The following SLC22A11 variants were observed in gnomAD, a reference collection of about 807,000 sequenced individuals.
The protein encoded by SLC22A11 is solute carrier family 22 member 11.
A neutral mutation model predicts 49.4 loss-of-function variants in SLC22A11; 42 were observed. The observed-to-expected ratio is 0.85, with a 90% CI of 0.66 to 1.10. The LOEUF (loss-of-function observed/expected upper bound fraction) is 1.10. Ranked by LOEUF, SLC22A11 falls within the 50% of genes least tolerant of loss-of-function variation. SLC22A11 has a pLI of 0.00. For synonymous variants in SLC22A11, 304 were observed against 315.8 expected (o/e 0.96, Z 0.40); for missense variants, 685 against 731.6 (o/e 0.94, Z 0.74).
chr11:64,562,924 C>G lies in SLC22A11; in HGVS notation c.821+489C>G, dbSNP rs1355546879. Among the ~76,000 whole-genome samples, 1 of 152,176 alleles carries G rather than the reference C, an allele frequency of 6.6e-6. No homozygotes were observed. Among genetic ancestry groups the G allele is most frequent in the East Asian group, 1.9e-4 (1 of 5,194 alleles). On this transcript the variant is annotated intron_variant, in intron 4 of 9. Transcript: ENST00000301891. This position sits in a 1 kb window ranked among gnomAD's most constrained non-coding sequence, Gnocchi z 4.4. ...CTTCCTCAATACTTGCACCAGCCCC[C>G]ACCCACCAGCTTCACTCCTTCACAT... is the stretch of plus-strand genomic sequence containing the variant.
In SLC22A11 at chr11:64,563,610, TAAAAAAAAAAA is replaced by T. The variant is rs869085115; in HGVS notation, c.822-680_822-670del. Among the ~76,000 whole-genome samples, 159 of 43,860 alleles carry T rather than the reference TAAAAAAAAAAA, an allele frequency of 3.6e-3. 1 individual carries two copies. The highest frequency in any genetic ancestry group is 0.015 in the African/African-American group (141 of 9,360). 28.8% of individuals were successfully genotyped at this position (43,860 alleles called of 152,430 possible). On this transcript the variant is annotated intron_variant, in intron 4 of 9. Coordinates refer to ENST00000301891, the MANE Select transcript of SLC22A11 (RefSeq NM_018484.4). Reference sequence around the variant, plus strand: ...CTGCCTGGGGATATTTTAAATGTGCTAAAAAAAAAAAAAAAAAAAAAAAAAAAAGGCCGGGC... The same window carrying T: ...CTGCCTGGGGATATTTTAAATGTGCTAAAAAAAAAAAAAAAAAGGCCGGGC...
Position 64,569,715 on chromosome 11 carries a change from C to G in SLC22A11, c.1446C>G (p.Ile482Met). Residue 482 changes from isoleucine (I) to methionine (M), a missense_variant, in exon 9 of 10, where the codon ATC (isoleucine) becomes ATG (methionine). Physicochemically the swap from Ile to Met is conservative, Grantham distance 10 (BLOSUM62 1). Coordinates refer to ENST00000301891, the MANE Select transcript of SLC22A11 (RefSeq NM_018484.4). ...GRLGAMMGPLILMSRQALPLL... is the reference protein window; with the variant it reads ...GRLGAMMGPLMLMSRQALPLL... ...TGGGGGCTATGATGGGTCCCCTGAT[C>G]CTGATGAGCCGCCAAGCCCTGCCCC... 1 of 1,614,200 alleles carries G rather than the reference C, an allele frequency of 6.2e-7. No individual in the cohort carries two copies.
intron 1 of SLC22A11, among the ~76,000 whole-genome samples, chr11:64,558,184 C>G (rs554078149): frequency 6.6e-6 from 1 of 152,290 alleles, no homozygotes; most frequent in East Asian, 1.9e-4. Context: ...ATCCTCCAGC[C>G]CCAGCATTCC....
rs375264929 is a variant in SLC22A11 at position 64,562,230 on chromosome 11, G to C, written c.653-37G>C. The C allele has an allele frequency of 1.3e-6, 2 of 1,599,494 alleles. No individual in the cohort carries two copies. Among genetic ancestry groups the C allele is most frequent in the Non-Finnish European group, 1.7e-6 (2 of 1,170,538 alleles). On this transcript the variant is annotated intron_variant, in intron 3 of 9. Coordinates refer to ENST00000301891, the MANE Select transcript of SLC22A11 (RefSeq NM_018484.4). This position sits in a 1 kb window ranked among gnomAD's most constrained non-coding sequence, Gnocchi z 4.4. ...AGGAGAGAATGGGGCTCAGGCCGCC[G>C]CATGAGGCCTCACCTGCACGTGTCT...
chr11:64,568,826 A>G, intron 8 of SLC22A11, 48 bp downstream of exon 8: 1 of 1,534,538 alleles, frequency 6.5e-7, no homozygotes, highest in Non-Finnish European at 9.0e-7. Context: ...GGCCGTCCTG[A>G]GAGGGCGGTG....
In SLC22A11 at chr11:64,555,994, C is replaced by T; in HGVS notation, c.-6C>T. The T allele has an allele frequency of 6.3e-7, 1 of 1,599,514 alleles. No individual in the cohort carries two copies. The highest frequency in any genetic ancestry group is 1.1e-5 in the South Asian group (1 of 90,578). On this transcript the variant is annotated 5_prime_UTR_variant, in exon 1 of 10. Transcript: ENST00000301891. Reference sequence around the variant, plus strand: ...AGCAGTCCGCTCAGCCGAGGCAGCTCTGTTCATGGCGTTCTCGAAGCTCTT... The same window carrying T: ...AGCAGTCCGCTCAGCCGAGGCAGCTTTGTTCATGGCGTTCTCGAAGCTCTT...
In SLC22A11 at chr11:64,562,587, G is replaced by A. The variant is rs772581440; in HGVS notation, c.821+152G>A. On this transcript the variant is annotated intron_variant, in intron 4 of 9. Coordinates refer to ENST00000301891, the MANE Select transcript of SLC22A11 (RefSeq NM_018484.4). The surrounding 1 kb of genome is among the most constrained non-coding windows in gnomAD (Gnocchi z 4.4). ...GCACCCTCGCTAGGGAGGGACATTGGTGATTGGCAGTCCTGGGCTAAGTGT... is the reference window on the plus strand; with the variant it reads ...GCACCCTCGCTAGGGAGGGACATTGATGATTGGCAGTCCTGGGCTAAGTGT... The A allele has an allele frequency of 4.2e-5, 35 of 834,450 alleles. No individual in the cohort carries two copies. Among genetic ancestry groups the A allele is most frequent in the Non-Finnish European group, 5.8e-5 (33 of 565,918 alleles). The allele number at this position is 834,450 out of a possible 1,614,324, so 51.7% of individuals were successfully genotyped here. A position where few individuals can be genotyped will look rare whatever the true frequency, so the allele number is the denominator to read the frequency against.
rs1401823832 is a variant in SLC22A11, at chr11:64,565,519, G to A, written c.1058+182G>A. On this transcript the variant is annotated intron_variant, in intron 6 of 9. Coordinates refer to ENST00000301891, the MANE Select transcript of SLC22A11 (RefSeq NM_018484.4). This position sits in a 1 kb window ranked among gnomAD's most constrained non-coding sequence, Gnocchi z 4.1. The stretch of plus-strand genomic sequence containing the variant: ...CAGGAGTCCTGGCAGGCAGCAGAGA[G>A]GGACTATGCACAGGTGGGATCTGGA... 1.5e-6 allele frequency: 1 copy of A among 668,446 alleles called. No homozygotes were observed. Among genetic ancestry groups the A allele is most frequent in the South Asian group, 1.5e-5 (1 of 66,432 alleles). The allele number at this position is 668,446 out of a possible 1,614,324, so 41.4% of individuals were successfully genotyped here.
In SLC22A11 at chr11:64,562,141, T is replaced by G. The variant is rs749910455; in HGVS notation, c.635T>G (p.Leu212Arg). The G allele has an allele frequency of 6.2e-6, 10 of 1,613,776 alleles. No individual in the cohort carries two copies. The highest frequency in any genetic ancestry group is 8.5e-6 in the Non-Finnish European group (10 of 1,179,984). The change falls in exon 3 of 10, where the codon CTG becomes CGG. Residue 212 changes from leucine to arginine, a missense_variant. Leu to Arg is a moderately radical substitution (Grantham distance 102, BLOSUM62 -2). Transcript: ENST00000301891. The surrounding 1 kb of genome is among the most constrained non-coding windows in gnomAD (Gnocchi z 4.4). ...GCTTTTGGGATGGCCGGCATCTTTC[T>G]GAGTTCACTGACACTGAGTGAGTCC... ...VAAFGMAGIF[L>R]SSLTLMVEWT...
At chr11:64,559,897 TG>T (rs2135420642) in intron 2 of SLC22A11, among the ~76,000 whole-genome samples, 1 of 152,292 alleles carries the variant, frequency 6.6e-6, no homozygotes, top group South Asian at 2.1e-4. Context: ...CTAGGCCTGC[TG>T]GCGGGGAGAA....
intron 2 of SLC22A11, 106 bp downstream of exon 2, chr11:64,559,344 G>A (rs1360136838): frequency 2.1e-5 from 18 of 847,522 alleles, no homozygotes; most frequent in Admixed American, 1.4e-4. Flanking sequence ...CCCTGCTTCC[G>A]TCTCCCTCCT....
chr11:64,570,170 G>A (rs2038685218), intron 9 of SLC22A11, among the ~76,000 whole-genome samples: 1 of 152,214 alleles, frequency 6.6e-6, no homozygotes, highest in Non-Finnish European at 1.5e-5. Context: ...CCACCTGCCT[G>A]GGCAAGTGAC....
intron 4 of SLC22A11, among the ~76,000 whole-genome samples, chr11:64,563,398 T>C (rs144914291): frequency 1.8e-3 from 269 of 152,054 alleles, no homozygotes; most frequent in Non-Finnish European, 2.9e-3. Flanking sequence ...GATTTGAACC[T>C]AGGCAGGCTA....
intron 2 of SLC22A11, among the ~76,000 whole-genome samples, chr11:64,561,612 T>C (rs1470708371): frequency 1.0e-4 from 12 of 118,650 alleles, no homozygotes; most frequent in African/African-American, 5.1e-4. Flanking sequence ...AATTTATTTA[T>C]TTATTTATTT....
At chr11:64,561,411 GGCT>G (rs1056084902) in intron 2 of SLC22A11, among the ~76,000 whole-genome samples, 1 of 152,112 alleles carries the variant, frequency 6.6e-6, no homozygotes, top group Admixed American at 6.5e-5. Context: ...ACAGAGCTGG[GGCT>G]CAAACCCAGG....
chr11:64,558,823 G>C (rs1224387212), intron 1 of SLC22A11, among the ~76,000 whole-genome samples: 3 of 152,180 alleles, frequency 2.0e-5, no homozygotes, highest in Non-Finnish European at 4.4e-5. Flanking sequence ...CCAAGAAATT[G>C]TTCATTTTTC....
At chr11:64,561,338 T>C (rs2038540906) in intron 2 of SLC22A11, among the ~76,000 whole-genome samples, 1 of 152,192 alleles carries the variant, frequency 6.6e-6, no homozygotes, top group African/African-American at 2.4e-5. Flanking sequence ...TGCCCTTGTG[T>C]TACAGATGGG....
chr11:64,557,723 C>G (rs1339982017), intron 1 of SLC22A11, among the ~76,000 whole-genome samples: 1 of 150,808 alleles, frequency 6.6e-6, no homozygotes, highest in Non-Finnish European at 1.5e-5. Flanking sequence ...CCTCTAACTC[C>G]CGGCCTCCAA....
chr11:64,562,243 C>T lies in SLC22A11; in HGVS notation c.653-24C>T. The T allele has an allele frequency of 1.2e-6, 2 of 1,600,556 alleles. No individual in the cohort carries two copies. Among genetic ancestry groups the T allele is most frequent in the African/African-American group, 1.3e-5 (1 of 74,736 alleles). ...GCTCAGGCCGCCGCATGAGGCCTCACCTGCACGTGTCTGCATCCTTCAGTG... is the reference window on the plus strand; with the variant it reads ...GCTCAGGCCGCCGCATGAGGCCTCATCTGCACGTGTCTGCATCCTTCAGTG... On this transcript the variant is annotated intron_variant, in intron 3 of 9. Coordinates refer to ENST00000301891, the MANE Select transcript of SLC22A11 (RefSeq NM_018484.4). The surrounding 1 kb of genome is among the most constrained non-coding windows in gnomAD (Gnocchi z 4.4).
Sources: allele counts gnomAD v4.1 joint callset (sites outside exome capture counted in the v4.1 genomes callset), GRCh38; gene constraint gnomAD v4.1.1; non-coding constraint Gnocchi (gnomAD v3.1); transcripts MANE v1.5; gene names NCBI Gene and HGNC (gene_info 2026-07-23, HGNC 2026-07-21).